ADGRG6: variants seen among roughly 807,000 people sequenced by gnomAD.
The protein encoded by ADGRG6 is adhesion G protein-coupled receptor G6, also known as G-protein coupled receptor 126.
In ADGRG6, 84 loss-of-function variants were observed where a neutral mutation model predicts 142.4. The observed-to-expected ratio is 0.59, with a 90% CI of 0.49 to 0.71. The LOEUF is 0.71. ADGRG6 is among the 30% of genes least tolerant of loss of function. The probability of loss-of-function intolerance (pLI) is 0.00; values close to 1 mark genes in which losing one functional copy is unlikely to be tolerated. For synonymous variants in ADGRG6, 521 were observed against 520.5 expected (o/e 1.00, Z -0.01); for missense variants, 1,367 against 1,466.6 (o/e 0.93, Z 1.11).
intron 2 of ADGRG6, among the ~76,000 whole-genome samples, chr6:142,352,199 G>T (rs2114779434): frequency 6.6e-6 from 1 of 152,246 alleles, no homozygotes; most frequent in African/African-American, 2.4e-5. Flanking sequence ...CAATAGCAGA[G>T]ACATGGAGTC....
chr6:142,405,160 A>G, intron 14 of ADGRG6: 2 of 342,486 alleles, frequency 5.8e-6, no homozygotes, highest in South Asian at 4.8e-5. Context: ...TTTTAAGAGT[A>G]AAACTCAGTC....
chr6:142,369,000 A>G (rs905433957), intron 3 of ADGRG6, among the ~76,000 whole-genome samples: 4 of 152,176 alleles, frequency 2.6e-5, no homozygotes, highest in Non-Finnish European at 5.9e-5. Flanking sequence ...ACTGCCTTAT[A>G]TTTAAAACGT....
chr6:142,379,543 G>A (rs1385664472), intron 4 of ADGRG6, among the ~76,000 whole-genome samples: 4 of 152,236 alleles, frequency 2.6e-5, no homozygotes, highest in East Asian at 3.9e-4. Flanking sequence ...CGAGGCGGGC[G>A]GATCACGAGG....
At chr6:142,373,881 C>CTTTTTTTTTTTTTT (rs769498618) in intron 4 of ADGRG6, among the ~76,000 whole-genome samples, 1 of 93,870 alleles carries the variant, frequency 1.1e-5, no homozygotes, top group Non-Finnish European at 2.2e-5. Context: ...TTTTTCTTTT[C>CTTTTTTTTTTTTTT]TTTTTTTTTT....
At chr6:142,439,359 C>A (rs1419720389) in intron 24 of ADGRG6, among the ~76,000 whole-genome samples, 2 of 152,084 alleles carry the variant, frequency 1.3e-5, no homozygotes, top group African/African-American at 4.8e-5. Context: ...ATTTGTTTAG[C>A]TATTAAACAT....
intron 1 of ADGRG6, 94 bp from the exon 2 acceptor site, chr6:142,309,450 C>T: frequency 1.3e-6 from 1 of 744,058 alleles, no homozygotes. Flanking sequence ...GGTTTATTTT[C>T]CAGTCCCTAC....
chr6:142,346,100 A>G (rs1223125657), intron 2 of ADGRG6, among the ~76,000 whole-genome samples: 1 of 152,132 alleles, frequency 6.6e-6, no homozygotes, highest in Admixed American at 6.5e-5. Flanking sequence ...GAAGGCTAAT[A>G]AAACCTTCCT....
At chr6:142,317,969 TATA>T (rs1778222114) in intron 2 of ADGRG6, among the ~76,000 whole-genome samples, 2 of 64,808 alleles carry the variant, frequency 3.1e-5, no homozygotes, top group Non-Finnish European at 5.1e-5. Context: ...ATTTATATAT[TATA>T]TATATTTATA....
At chr6:142,405,949 T>A (rs1775782735) in intron 15 of ADGRG6, 121 bp downstream of exon 15, 2 of 630,384 alleles carry the variant, frequency 3.2e-6, no homozygotes, top group South Asian at 5.4e-5. Context: ...TACTGTGTTT[T>A]CAAAACTGAA....
chr6:142,374,025 A>C (rs76553621), intron 4 of ADGRG6, among the ~76,000 whole-genome samples: 1,885 of 151,382 alleles, frequency 0.012, 41 homozygotes, highest in African/African-American at 0.043. Flanking sequence ...AATAAAGTTT[A>C]ATTGGAACAC....
At chr6:142,341,963 C>A (rs1779679642) in intron 2 of ADGRG6, among the ~76,000 whole-genome samples, 1 of 151,920 alleles carries the variant, frequency 6.6e-6, no homozygotes, top group South Asian at 2.1e-4. Context: ...AAAAAGCAGA[C>A]CCTTGAGTCA....
intron 20 of ADGRG6, 110 bp from the exon 21 acceptor site, chr6:142,417,163 T>C: frequency 1.4e-6 from 1 of 735,844 alleles, no homozygotes; most frequent in Non-Finnish European, 2.5e-6. Flanking sequence ...GAATGTTGGC[T>C]TGCTTGCATT....
chr6:142,382,247 A>T (rs957817316), intron 5 of ADGRG6, among the ~76,000 whole-genome samples: 1 of 152,210 alleles, frequency 6.6e-6, no homozygotes, highest in Non-Finnish European at 1.5e-5. Context: ...CAAAGCTCTG[A>T]GTTTTAAAAA....
intron 2 of ADGRG6, among the ~76,000 whole-genome samples, chr6:142,343,181 A>G (rs868163131): frequency 6.6e-6 from 1 of 151,682 alleles, no homozygotes; most frequent in Non-Finnish European, 1.5e-5. Context: ...TTTTTTGTTT[A>G]ATAATTTTCA....
At chr6:142,382,680 C>T (rs1781826783) in intron 5 of ADGRG6, among the ~76,000 whole-genome samples, 1 of 152,066 alleles carries the variant, frequency 6.6e-6, no homozygotes, top group African/African-American at 2.4e-5. Flanking sequence ...TCCTAATTAT[C>T]CATGACCCTT....
At chr6:142,311,108 T>G (rs982174497) in intron 2 of ADGRG6, among the ~76,000 whole-genome samples, 6 of 151,810 alleles carry the variant, frequency 4.0e-5, no homozygotes, top group African/African-American at 1.2e-4. Flanking sequence ...GTTTTTAGGC[T>G]AAAGAAAAGG....
intron 13 of ADGRG6, among the ~76,000 whole-genome samples, chr6:142,403,338 C>T (rs979582719): frequency 6.6e-6 from 1 of 152,056 alleles, no homozygotes; most frequent in Non-Finnish European, 1.5e-5. Flanking sequence ...CTATTTCCTT[C>T]TCTTCTACAT....
intron 8 of ADGRG6, 107 bp from the exon 9 acceptor site, chr6:142,393,789 T>C (rs1775030086): frequency 2.9e-6 from 2 of 694,380 alleles, no homozygotes; most frequent in Non-Finnish European, 5.1e-6. Flanking sequence ...TTTGAAAATA[T>C]TGGCTTAGAA....
At chr6:142,397,889 C>T in intron 10 of ADGRG6, 134 bp downstream of exon 10, 2 of 517,696 alleles carry the variant, frequency 3.9e-6, no homozygotes, top group Non-Finnish European at 6.6e-6. Context: ...AGTTCAGTAA[C>T]AAATGAATGA....
Sources: allele counts gnomAD v4.1 joint callset (sites outside exome capture counted in the v4.1 genomes callset), GRCh38; gene constraint gnomAD v4.1.1; transcripts MANE v1.5; gene names NCBI Gene and HGNC (gene_info 2026-07-23, HGNC 2026-07-21).